The following NALF1 variants were observed in gnomAD, a reference collection of about 807,000 sequenced individuals.
NALF1 encodes the protein NALCN channel auxiliary factor 1, also known as family with sequence similarity 155 member A.
NALF1 carries 3 observed loss-of-function variants against 48.4 expected under a neutral mutation model. The observed-to-expected ratio is 0.06, with a 90% CI of 0.03 to 0.16. The LOEUF (loss-of-function observed/expected upper bound fraction) is 0.16. NALF1 is among the 10% of genes least tolerant of loss of function. NALF1 has a pLI of 1.00. For missense variants in NALF1, 526 were observed against 571.5 expected (o/e 0.92, Z 0.81); for synonymous variants, 262 against 245.7 (o/e 1.07, Z -0.62).
chr13:107,401,075 C>T (rs971624382), intron 1 of NALF1, among the ~76,000 whole-genome samples: 4 of 152,136 alleles, frequency 2.6e-5, no homozygotes, highest in African/African-American at 9.7e-5. Flanking sequence ...CAACCATGCT[C>T]TTAAAATATT....
chr13:107,422,219 C>T (rs1884200734), intron 1 of NALF1, among the ~76,000 whole-genome samples: 1 of 152,066 alleles, frequency 6.6e-6, no homozygotes, highest in South Asian at 2.1e-4. Flanking sequence ...TATTATTCTC[C>T]CTGTTAGGAG....
intron 1 of NALF1, among the ~76,000 whole-genome samples, chr13:107,271,917 T>G (rs1212287328): frequency 6.6e-6 from 1 of 150,864 alleles, no homozygotes; most frequent in East Asian, 1.9e-4. Context: ...AATGAATTAA[T>G]ATGAGCACAT....
chr13:107,338,481 T>C (rs1882603580), intron 1 of NALF1, among the ~76,000 whole-genome samples: 1 of 152,218 alleles, frequency 6.6e-6, no homozygotes, highest in South Asian at 2.1e-4. Context: ...GATTAAAACA[T>C]GTCCTCTAGA....
intron 1 of NALF1, among the ~76,000 whole-genome samples, chr13:107,363,402 C>T (rs9520404): frequency 0.24 from 36,803 of 151,872 alleles, 4,695 homozygotes; most frequent in African/African-American, 0.35. Flanking sequence ...GAGATCAGCC[C>T]GGACAACATA....
chr13:107,340,812 T>A (rs1311788214), intron 1 of NALF1, among the ~76,000 whole-genome samples: 1 of 152,204 alleles, frequency 6.6e-6, no homozygotes, highest in Non-Finnish European at 1.5e-5. Context: ...AATGTTATCT[T>A]AAATAAGCTA....
intron 1 of NALF1, among the ~76,000 whole-genome samples, chr13:107,536,289 C>A (rs939754558): frequency 1.0e-4 from 15 of 149,298 alleles, no homozygotes; most frequent in African/African-American, 1.5e-4. Flanking sequence ...AGTGAACAGG[C>A]AACCTACAAA....
intron 1 of NALF1, among the ~76,000 whole-genome samples, chr13:107,502,534 G>GTTA (rs1171016007): frequency 6.6e-6 from 1 of 152,142 alleles, no homozygotes; most frequent in Admixed American, 6.6e-5. Context: ...GTTCCACATG[G>GTTA]TTACCATCAC....
At chr13:107,347,752 G>A (rs537306823) in intron 1 of NALF1, among the ~76,000 whole-genome samples, 76 of 152,276 alleles carry the variant, frequency 5.0e-4, no homozygotes, top group Middle Eastern at 3.4e-3. Context: ...GTAAGGGACC[G>A]CAAATATTTT....
At chr13:107,595,088 G>A (rs577058859) in intron 1 of NALF1, among the ~76,000 whole-genome samples, 1 of 152,160 alleles carries the variant, frequency 6.6e-6, no homozygotes, top group South Asian at 2.1e-4. Flanking sequence ...AAGCGTTCAA[G>A]GAACATGAAC....
At chr13:107,462,015 C>T (rs1177697755) in intron 1 of NALF1, among the ~76,000 whole-genome samples, 3 of 152,108 alleles carry the variant, frequency 2.0e-5, no homozygotes, top group African/African-American at 7.2e-5. Flanking sequence ...CTTATTTACC[C>T]GTTACATATT....
chr13:107,776,927 C>CA (rs922080121), intron 1 of NALF1, among the ~76,000 whole-genome samples: 1 of 151,934 alleles, frequency 6.6e-6, no homozygotes, highest in East Asian at 1.9e-4. Flanking sequence ...CCTATCTGTA[C>CA]AAAAAATCTA....
intron 1 of NALF1, among the ~76,000 whole-genome samples, chr13:107,369,996 C>A (rs11619597): frequency 0.44 from 66,726 of 151,972 alleles, 15,502 homozygotes; most frequent in East Asian, 0.64. Flanking sequence ...ACACAGATCA[C>A]CCTGCAGGAG....
At chr13:107,817,853 G>GC (rs113226428) in intron 1 of NALF1, among the ~76,000 whole-genome samples, 89,856 of 151,838 alleles carry the variant, frequency 0.59, 27,499 homozygotes, top group East Asian at 0.82. Flanking sequence ...GCTTCCATTT[G>GC]TTTATTTGCA....
At chr13:107,444,711 AAGG>A (rs1251556699) in intron 1 of NALF1, among the ~76,000 whole-genome samples, 2 of 152,196 alleles carry the variant, frequency 1.3e-5, no homozygotes, top group Non-Finnish European at 2.9e-5. Context: ...TCTCTAAAAC[AAGG>A]AGAACACCAT....
At chr13:107,731,501 TA>T (rs1294195690) in intron 1 of NALF1, among the ~76,000 whole-genome samples, 3 of 152,104 alleles carry the variant, frequency 2.0e-5, no homozygotes, top group East Asian at 3.9e-4. Flanking sequence ...TGTCACCCAG[TA>T]TTAAGTCTAG....
intron 1 of NALF1, among the ~76,000 whole-genome samples, chr13:107,767,894 C>T (rs1446813995): frequency 6.6e-6 from 1 of 152,040 alleles, no homozygotes; most frequent in Non-Finnish European, 1.5e-5. Flanking sequence ...AGAAGAGACA[C>T]AATTAAAGAG....
At chr13:107,745,690 G>C (rs979859878) in intron 1 of NALF1, among the ~76,000 whole-genome samples, 8 of 152,074 alleles carry the variant, frequency 5.3e-5, no homozygotes, top group African/African-American at 1.7e-4. Context: ...GATCCAGGGT[G>C]ATATGGTTTG....
chr13:107,536,415 A>G (rs1238958), intron 1 of NALF1, among the ~76,000 whole-genome samples: 38,954 of 151,958 alleles, frequency 0.26, 6,442 homozygotes, highest in African/African-American at 0.45. Flanking sequence ...AAAAGTGGGC[A>G]AAGGATATGA....
At chr13:107,237,598 T>G (rs1858984514) in intron 1 of NALF1, among the ~76,000 whole-genome samples, 1 of 152,192 alleles carries the variant, frequency 6.6e-6, no homozygotes, top group Admixed American at 6.5e-5. Context: ...ATGTAAATGC[T>G]ATGTCATTAG....
Sources: allele counts gnomAD v4.1 joint callset (sites outside exome capture counted in the v4.1 genomes callset), GRCh38; gene constraint gnomAD v4.1.1; transcripts MANE v1.5; gene names NCBI Gene and HGNC (gene_info 2026-07-23, HGNC 2026-07-21).